SLC16A12: variants seen among roughly 807,000 people sequenced by gnomAD.
SLC16A12 encodes monocarboxylate transporter 12.
Under a neutral mutation model 42.4 loss-of-function variants are expected in SLC16A12, and 17 were observed. The observed-to-expected ratio is 0.40, with a 90% CI of 0.27 to 0.60. SLC16A12 has a LOEUF of 0.60. Ranked by LOEUF, SLC16A12 falls within the 20% of genes least tolerant of loss-of-function variation. The pLI is 0.42. For synonymous variants in SLC16A12, 224 were observed against 229.4 expected, an observed-to-expected ratio of 0.98 and a Z score of 0.21; for missense variants, 544 against 623.0, an observed-to-expected ratio of 0.87 and a Z score of 1.35.
At chr10:89,508,847 A>C (rs2133834588) in intron 2 of SLC16A12, among the ~76,000 whole-genome samples, 1 of 152,324 alleles carries the variant, frequency 6.6e-6, no homozygotes. Flanking sequence ...CTAATAAAGA[A>C]GAAAAGAGAC....
chr10:89,449,657 A>G (rs1842060577), intron 3 of SLC16A12, among the ~76,000 whole-genome samples: 1 of 152,242 alleles, frequency 6.6e-6, no homozygotes, highest in Non-Finnish European at 1.5e-5. Context: ...TAAAAACCCT[A>G]GAAGAAAACC....
intron 2 of SLC16A12, among the ~76,000 whole-genome samples, chr10:89,554,072 GAAA>G (rs1843789238): frequency 9.0e-6 from 1 of 110,974 alleles, no homozygotes; most frequent in Admixed American, 9.2e-5. Flanking sequence ...AAGAAAGAAA[GAAA>G]GAAAGAAAGA....
intron 2 of SLC16A12, among the ~76,000 whole-genome samples, chr10:89,491,015 C>T (rs562562660): frequency 4.3e-4 from 65 of 152,332 alleles, no homozygotes; most frequent in African/African-American, 1.5e-3. Flanking sequence ...GCCCCTATCA[C>T]TCATATTAAC....
chr10:89,540,478 T>C (rs548160099), upstream of SLC16A12, among the ~76,000 whole-genome samples: 2 of 152,324 alleles, frequency 1.3e-5, no homozygotes, highest in African/African-American at 4.8e-5. Context: ...TCTTAGACTT[T>C]AGCCCCTATT....
At chr10:89,534,905 T>TA (rs989790367) in intron 1 of SLC16A12, among the ~76,000 whole-genome samples, 16 of 152,046 alleles carry the variant, frequency 1.1e-4, no homozygotes, top group African/African-American at 3.9e-4. Context: ...CCCCAGGACT[T>TA]ACTGAAATTG....
chr10:89,486,710 GAAAGA>G (rs1360174493), intron 2 of SLC16A12, among the ~76,000 whole-genome samples: 1 of 131,160 alleles, frequency 7.6e-6, no homozygotes, highest in African/African-American at 3.4e-5. Flanking sequence ...AAAAAAGAAA[GAAAGA>G]AAAAAAGAGA....
Position 89,458,208 on chromosome 10 carries a change from C to G in SLC16A12, c.200+4171G>C, listed in dbSNP as rs139309040. On this transcript the variant is annotated intron_variant, in intron 3 of 7. Coordinates refer to ENST00000371790, the MANE Select transcript of SLC16A12 (RefSeq NM_213606.4). ...TATGTAGAATCTCCTCCAGTATCAT[C>G]GCCAATTGAATCCAATATGCGTTAG... Among the ~76,000 whole-genome samples, 369 of 152,310 alleles carry G rather than the reference C, an allele frequency of 2.4e-3. 2 individuals are homozygous for G. The highest frequency in any genetic ancestry group is 8.4e-3 in the African/African-American group (349 of 41,574).
intron 2 of SLC16A12, among the ~76,000 whole-genome samples, chr10:89,493,778 G>T (rs1564588637): frequency 6.6e-6 from 1 of 152,030 alleles, no homozygotes; most frequent in Admixed American, 6.6e-5. Context: ...TTTTGCCCAA[G>T]TACCTAAATA....
intron 2 of SLC16A12, among the ~76,000 whole-genome samples, chr10:89,470,398 G>C (rs1416732119): frequency 2.6e-5 from 4 of 152,184 alleles, no homozygotes; most frequent in African/African-American, 9.7e-5. Context: ...CCAAGAAGGA[G>C]GCCTGTGCTA....
chr10:89,485,820 ATTAAT>A (rs1051317630), intron 2 of SLC16A12, among the ~76,000 whole-genome samples: 7 of 152,148 alleles, frequency 4.6e-5, no homozygotes, highest in Non-Finnish European at 8.8e-5. Context: ...AGTTAAAGAA[ATTAAT>A]TTAAGAGGTA....
intron 1 of SLC16A12, among the ~76,000 whole-genome samples, chr10:89,535,208 C>T (rs1843633800): frequency 6.6e-6 from 1 of 152,010 alleles, no homozygotes; most frequent in Non-Finnish European, 1.5e-5. Flanking sequence ...TCTCCAGCCA[C>T]CTGCCCAAAA....
At position 89,433,324 on chromosome 10, in the gene SLC16A12, G is replaced by T. The variant is rs200476766; in HGVS notation, c.1291C>A (p.Arg431=). ...TAGCTGCCGGTGGTATCTACCAGCC[G>T]TCCTGTAACAAACAACAGCAAAATT... ...PYLVSPPIAG[R]LVDTTGSYTA... The change falls in exon 8 of 8, where the codon CGG becomes AGG. Residue 431 remains arginine, a splice_region_variant and synonymous_variant. Transcript: ENST00000371790. 6.2e-7 allele frequency: 1 copy of T among 1,613,680 alleles called. No homozygotes were observed.
chr10:89,545,994 A>G (rs1193117803), intron 2 of SLC16A12, among the ~76,000 whole-genome samples: 2 of 152,230 alleles, frequency 1.3e-5, no homozygotes, highest in Admixed American at 1.3e-4. Context: ...CCATACGCAG[A>G]AAACTGAAAC....
At position 89,436,225 on chromosome 10, in the gene SLC16A12, G is replaced by A; in HGVS notation, c.1123C>T (p.Leu375=). 3 of 1,614,160 alleles carry A rather than the reference G, an allele frequency of 1.9e-6. No individual in the cohort carries two copies. Among genetic ancestry groups the A allele is most frequent in the Non-Finnish European group, 2.5e-6 (3 of 1,180,008 alleles). The change falls in exon 7 of 8, where the codon CTG becomes TTG. Residue 375 remains leucine (L), a synonymous_variant. Coordinates refer to ENST00000371790, the MANE Select transcript of SLC16A12 (RefSeq NM_213606.4). ...AAGGTACAAGAGAAAGGCACGAGCA[G>A]AGGGAGACTTTGAAGCATTGGGAGG... The part of the protein sequence containing the change: ...LCLPMLQSLP[L]LVPFSCTFGY...
intron 6 of SLC16A12, among the ~76,000 whole-genome samples, chr10:89,437,042 A>T (rs148895411): frequency 6.6e-6 from 1 of 152,282 alleles, no homozygotes; most frequent in Non-Finnish European, 1.5e-5. Context: ...GATGTAAAGG[A>T]TCAGAAGGGT....
In SLC16A12 at chr10:89,452,896, C is replaced by T. The variant is rs1842118394; in HGVS notation, c.201-9037G>A. 2.0e-5 allele frequency among the ~76,000 whole-genome samples: 3 copies of T among 152,356 alleles called. No individual in the cohort carries two copies. In the South Asian group the frequency reaches 6.2e-4, roughly 32 times the overall value. On this transcript the variant is annotated intron_variant, in intron 3 of 7. Transcript: ENST00000371790. ...GGGTGCCCCCTCTACGCCCAGGGGT[C>T]TGCTCTTGGGAGACGCAGCTTTCTG...
At chr10:89,530,636 C>G (rs145745135) in intron 2 of SLC16A12, among the ~76,000 whole-genome samples, 3,289 of 152,140 alleles carry the variant, frequency 0.022, 112 homozygotes, top group African/African-American at 0.074. Context: ...AGCCAGGATG[C>G]TCTCGATCTC....
chr10:89,533,161 G>C (rs988036841), intron 2 of SLC16A12, among the ~76,000 whole-genome samples: 2 of 141,162 alleles, frequency 1.4e-5, no homozygotes, highest in Non-Finnish European at 3.0e-5. Flanking sequence ...TGTTGTTGTC[G>C]TTTTTAGTTT....
chr10:89,472,640 C>G (rs1166564588), intron 2 of SLC16A12, among the ~76,000 whole-genome samples: 2 of 150,904 alleles, frequency 1.3e-5, no homozygotes. Flanking sequence ...ATCCAGGTGC[C>G]CACAACCATG....
Sources: gnomAD v4.1 joint callset for allele counts (sites outside exome capture counted in the v4.1 genomes callset) on GRCh38, gnomAD v4.1.1 for gene constraint, MANE v1.5 for transcripts, NCBI Gene and HGNC (gene_info 2026-07-23, HGNC 2026-07-21) for gene names.